The following GRIK4 variants were observed in gnomAD, a reference collection of about 807,000 sequenced individuals.
The protein encoded by GRIK4 is glutamate receptor ionotropic, kainate 4.
GRIK4 carries 40 observed loss-of-function variants against 104.9 expected under a neutral mutation model. The observed-to-expected ratio is 0.38, with a 90% CI of 0.30 to 0.50. The LOEUF (loss-of-function observed/expected upper bound fraction) is 0.50. GRIK4 is among the 20% of genes least tolerant of loss of function. GRIK4 has a pLI of 0.93. For synonymous variants in GRIK4, 485 were observed against 524.9 expected (o/e 0.92, Z 1.04); for missense variants, 1,047 against 1,308.1 (o/e 0.80, Z 3.08).
chr11:120,691,196 C>T (rs957598993), intron 3 of GRIK4, among the ~76,000 whole-genome samples: 1 of 152,124 alleles, frequency 6.6e-6, no homozygotes, highest in Non-Finnish European at 1.5e-5. Flanking sequence ...ATTCACCTAC[C>T]CTAAACTTCG....
intron 3 of GRIK4, among the ~76,000 whole-genome samples, chr11:120,742,697 G>A (rs1230412937): frequency 6.6e-6 from 1 of 152,076 alleles, no homozygotes; most frequent in African/African-American, 2.4e-5. Flanking sequence ...ATTGTGGAAA[G>A]CAGTATGGCA....
At position 120,911,241 on chromosome 11, in the gene GRIK4, T is replaced by TC. The variant is rs1491297151; in HGVS notation, c.1476+5748_1476+5749insC. ...AGAAGGTACAGATTCCAAAATTCTCTTTTTTTTTTTTTTTTGAGACGGAGT... is the reference window on the plus strand; with the variant it reads ...AGAAGGTACAGATTCCAAAATTCTCTCTTTTTTTTTTTTTTTGAGACGGAGT... On this transcript the variant is annotated intron_variant, in intron 13 of 20. Transcript: ENST00000527524. Among the ~76,000 whole-genome samples, 5 of 131,104 alleles carry TC rather than the reference T, an allele frequency of 3.8e-5. No individual in the cohort carries two copies. In the Admixed American group the frequency reaches 3.9e-4, roughly 10 times the overall value. The allele number at this position is 131,104 out of a possible 152,430, so 86.0% of individuals were successfully genotyped here. A position where few individuals can be genotyped will look rare whatever the true frequency, so the allele number is the denominator to read the frequency against.
At chr11:120,603,320 C>CA in intron 1 of GRIK4, among the ~76,000 whole-genome samples, 1 of 152,236 alleles carries the variant, frequency 6.6e-6, no homozygotes, top group Non-Finnish European at 1.5e-5. Flanking sequence ...TGTGAATCTG[C>CA]ACATCTCTCC....
intron 8 of GRIK4, among the ~76,000 whole-genome samples, chr11:120,844,287 C>T (rs931066203): frequency 3.9e-5 from 6 of 152,136 alleles, no homozygotes; most frequent in Non-Finnish European, 8.8e-5. Flanking sequence ...AGGAAGTCTC[C>T]CCTGACACCC....
intron 1 of GRIK4, among the ~76,000 whole-genome samples, chr11:120,547,322 A>G (rs1948094492): frequency 6.6e-6 from 1 of 152,234 alleles, no homozygotes; most frequent in Non-Finnish European, 1.5e-5. Context: ...TGCCTTGGGC[A>G]TCTGTGGATG....
Position 120,953,031 on chromosome 11 carries a change from GGA to G in GRIK4, c.1700+69_1700+70del, listed in dbSNP as rs907017454. On this transcript the variant is annotated intron_variant, in intron 15 of 20. Transcript: ENST00000527524. This position sits in a 1 kb window ranked among gnomAD's most constrained non-coding sequence, Gnocchi z 4.9. ...GTGTCCACCTCTGGGAACTGCATGG[GGA>G]GGGGGTGGGGAGGAGGAGAGGGGGA... The G allele has an allele frequency of 6.9e-6, 7 of 1,007,636 alleles. No individual in the cohort carries two copies. In the African/African-American group the frequency reaches 1.1e-4, roughly 16 times the overall value. 62.4% of individuals were successfully genotyped at this position (1,007,636 alleles called of 1,614,324 possible).
intron 3 of GRIK4, among the ~76,000 whole-genome samples, chr11:120,664,970 T>G (rs1949885807): frequency 6.8e-6 from 1 of 148,124 alleles, no homozygotes; most frequent in Non-Finnish European, 1.5e-5. Flanking sequence ...TGGATTTATT[T>G]TATACTCTGT....
At chr11:120,594,792 T>C (rs1046409593) in intron 1 of GRIK4, among the ~76,000 whole-genome samples, 3 of 152,210 alleles carry the variant, frequency 2.0e-5, no homozygotes, top group African/African-American at 7.2e-5. Context: ...GTACCATGAC[T>C]CCATTGCCAC....
chr11:120,726,536 G>A (rs866649762), intron 3 of GRIK4, among the ~76,000 whole-genome samples: 34 of 152,292 alleles, frequency 2.2e-4, no homozygotes, highest in Middle Eastern at 3.4e-3. Flanking sequence ...CAGAGCCTAT[G>A]GACATGATTA....
At position 120,576,721 on chromosome 11, in the gene GRIK4, C is replaced by T. The variant is rs142035005; in HGVS notation, c.-159+64834C>T. Among the ~76,000 whole-genome samples, 392 of 152,260 alleles carry T rather than the reference C, an allele frequency of 2.6e-3. 2 individuals carry two copies. Among genetic ancestry groups the T allele is most frequent in the African/African-American group, 8.9e-3 (371 of 41,548 alleles). Reference sequence around the variant, plus strand: ...CAGGTGGCAGTGCCCTCAGAGAGGGCCCAAGAGGTAACAAGGCCACGGTCA... The same window carrying T: ...CAGGTGGCAGTGCCCTCAGAGAGGGTCCAAGAGGTAACAAGGCCACGGTCA... On this transcript the variant is annotated intron_variant, in intron 1 of 20. Transcript: ENST00000527524.
intron 11 of GRIK4, among the ~76,000 whole-genome samples, chr11:120,879,413 T>G (rs1954903159): frequency 6.6e-6 from 1 of 152,212 alleles, no homozygotes; most frequent in Non-Finnish European, 1.5e-5. Flanking sequence ...AAGCTGGTTT[T>G]GATTGTTTAG....
At chr11:120,955,651 G>A (rs1944127248) in intron 15 of GRIK4, among the ~76,000 whole-genome samples, 1 of 152,160 alleles carries the variant, frequency 6.6e-6, no homozygotes, top group African/African-American at 2.4e-5. Context: ...GCAGGGGAGT[G>A]TCCCCACCTC....
chr11:120,963,997 T>TATTTATTTATTTA (rs1555104876), intron 18 of GRIK4, among the ~76,000 whole-genome samples: 23 of 146,344 alleles, frequency 1.6e-4, no homozygotes, highest in South Asian at 6.5e-4. Context: ...ATTTATTTAT[T>TATTTATTTATTTA]TTTATTTATT....
Position 120,962,656 on chromosome 11 carries a change from G to A in GRIK4, c.2241G>A (p.Lys747=), listed in dbSNP as rs540683619. 3.1e-5 allele frequency: 50 copies of A among 1,613,242 alleles called. 1 individual carries two copies. In the South Asian group the frequency reaches 5.4e-4, roughly 17 times the overall value. ...LTQIGGLLDT[K]GYGIGMPVGS... The stretch of plus-strand genomic sequence containing the variant: ...AGATTGGGGGCCTGCTGGACACCAA[G>A]GGCTATGGGATTGGCATGCCAGTCG... The change falls in exon 18 of 21, where the codon AAG becomes AAA. Residue 747 remains lysine, a synonymous_variant. Transcript: ENST00000527524.
At chr11:120,927,236 A>G (rs1943368002) in intron 13 of GRIK4, among the ~76,000 whole-genome samples, 1 of 152,102 alleles carries the variant, frequency 6.6e-6, no homozygotes, top group Non-Finnish European at 1.5e-5. Flanking sequence ...ACATACACCC[A>G]TGGTCTGAGG....
In GRIK4 at chr11:120,714,295, C is replaced by T. The variant is rs767285103; in HGVS notation, c.82+53895C>T. The stretch of plus-strand genomic sequence containing the variant: ...TTTTGGAGAAAGGAAAGTGCTAGTG[C>T]GTGTGATTATTGCAAGCCAGAGTAA... On this transcript the variant is annotated intron_variant, in intron 3 of 20. Transcript: ENST00000527524. Among the ~76,000 whole-genome samples, 90 of 152,286 alleles carry T rather than the reference C, an allele frequency of 5.9e-4. 1 individual carries two copies. Among genetic ancestry groups the T allele is most frequent in the Admixed American group, 3.9e-3 (59 of 15,298 alleles).
At chr11:120,707,775 A>G (rs980490749) in intron 3 of GRIK4, among the ~76,000 whole-genome samples, 1 of 152,160 alleles carries the variant, frequency 6.6e-6, no homozygotes, top group Non-Finnish European at 1.5e-5. Context: ...GGTGCTGGCT[A>G]CAGGCTGGAG....
intron 3 of GRIK4, among the ~76,000 whole-genome samples, chr11:120,759,581 A>G (rs1304539592): frequency 6.6e-6 from 1 of 151,788 alleles, no homozygotes; most frequent in African/African-American, 2.4e-5. Context: ...TAATGGGGCC[A>G]ATCTGGCTCA....
chr11:120,746,335 G>A (rs1203201953), intron 3 of GRIK4, among the ~76,000 whole-genome samples: 1 of 152,142 alleles, frequency 6.6e-6, no homozygotes, highest in African/African-American at 2.4e-5. Flanking sequence ...GAAAACTCAA[G>A]GGAGGTACAA....
Sources: allele counts gnomAD v4.1 joint callset (sites outside exome capture counted in the v4.1 genomes callset), GRCh38; gene constraint gnomAD v4.1.1; non-coding constraint Gnocchi (gnomAD v3.1); transcripts MANE v1.5; gene names NCBI Gene and HGNC (gene_info 2026-07-23, HGNC 2026-07-21).